The following ACER3 variants were observed in gnomAD, a reference collection of about 807,000 sequenced individuals.
ACER3 encodes the protein alkCDase 3.
A neutral mutation model predicts 48.9 loss-of-function variants in ACER3; 16 were observed. The ratio of observed to expected loss-of-function variants is 0.33; its 90% CI spans 0.22 to 0.50. ACER3 has a LOEUF of 0.50. Among genes scored for constraint, ACER3 ranks in the 20% least tolerant of loss-of-function variants. The probability of loss-of-function intolerance (pLI) is 0.98; values close to 1 mark genes in which losing one functional copy is unlikely to be tolerated. For missense variants in ACER3, 227 were observed against 326.0 expected (o/e 0.70, Z 2.34); for synonymous variants, 109 against 107.8 (o/e 1.01, Z -0.07).
chr11:77,007,418 CCT>C (rs1245697806), intron 7 of ACER3, among the ~76,000 whole-genome samples: 3 of 152,294 alleles, frequency 2.0e-5, no homozygotes, highest in East Asian at 3.9e-4. Flanking sequence ...TCCTCTTTGG[CCT>C]CTGTTGGCAA....
At position 76,983,462 on chromosome 11, in the gene ACER3, C is replaced by T. The variant is rs183934040; in HGVS notation, c.321-2181C>T. Reference sequence around the variant, plus strand: ...TCTCAAGTAGCTGCGACTACAAGTGCGCTCCACCATGCCCAGCTAATTTTT... The same window carrying T: ...TCTCAAGTAGCTGCGACTACAAGTGTGCTCCACCATGCCCAGCTAATTTTT... On this transcript the variant is annotated intron_variant, in intron 4 of 10. Transcript: ENST00000532485. 2.6e-3 allele frequency among the ~76,000 whole-genome samples: 395 copies of T among 152,026 alleles called. 7 individuals are homozygous for T. Among genetic ancestry groups the T allele is most frequent in the Admixed American group, 0.02 (309 of 15,264 alleles).
At chr11:76,908,172 G>A (rs891219889) in intron 1 of ACER3, among the ~76,000 whole-genome samples, 1 of 150,276 alleles carries the variant, frequency 6.7e-6, no homozygotes, top group Non-Finnish European at 1.5e-5. Flanking sequence ...GGAGGTGGAG[G>A]TTGCAGTGAG....
At chr11:76,989,901 A>T (rs1053588113) in intron 5 of ACER3, among the ~76,000 whole-genome samples, 7 of 152,232 alleles carry the variant, frequency 4.6e-5, no homozygotes, top group African/African-American at 1.7e-4. Flanking sequence ...TGACATTGGA[A>T]CCTACAACTA....
chr11:76,971,290 G>A (rs901717565), intron 3 of ACER3, among the ~76,000 whole-genome samples: 6 of 151,976 alleles, frequency 3.9e-5, no homozygotes, highest in African/African-American at 9.7e-5. Context: ...GCCTGTAATC[G>A]CAGCACTTTG....
intron 7 of ACER3, among the ~76,000 whole-genome samples, chr11:77,004,122 C>A (rs1949086930): frequency 6.6e-6 from 1 of 152,186 alleles, no homozygotes; most frequent in African/African-American, 2.4e-5. Context: ...ACCCTCAGGT[C>A]TGATGATTCA....
At chr11:77,005,365 C>T (rs1949113689) in intron 7 of ACER3, among the ~76,000 whole-genome samples, 1 of 152,028 alleles carries the variant, frequency 6.6e-6, no homozygotes, top group Non-Finnish European at 1.5e-5. Context: ...TATATGCATA[C>T]CCTATCAGAG....
intron 2 of ACER3, among the ~76,000 whole-genome samples, chr11:76,927,671 C>T (rs1200169892): frequency 1.3e-5 from 2 of 151,952 alleles, no homozygotes; most frequent in South Asian, 2.1e-4. Flanking sequence ...CAAGTGTTCT[C>T]ATTGTTCAAT....
chr11:76,864,800 A>G (rs1350009860), intron 1 of ACER3, among the ~76,000 whole-genome samples: 2 of 149,462 alleles, frequency 1.3e-5, no homozygotes, highest in African/African-American at 2.4e-5. Context: ...GGGTTTCACC[A>G]TTTTGGCCAG....
chr11:76,959,457 G>C (rs11237034), intron 3 of ACER3, among the ~76,000 whole-genome samples: 1 of 152,226 alleles, frequency 6.6e-6, no homozygotes, highest in East Asian at 1.9e-4. Context: ...CCTGTGGGCC[G>C]CATGTGACCC....
chr11:76,890,856 A>G (rs1429409372), intron 1 of ACER3, among the ~76,000 whole-genome samples: 4 of 152,060 alleles, frequency 2.6e-5, no homozygotes, highest in Non-Finnish European at 4.4e-5. Flanking sequence ...GCGGTGGCTC[A>G]CTCCTGTAAT....
intron 7 of ACER3, among the ~76,000 whole-genome samples, chr11:77,006,658 A>G (rs1403948778): frequency 2.0e-5 from 3 of 150,482 alleles, no homozygotes; most frequent in Admixed American, 6.6e-5. Flanking sequence ...ATGTCATGCC[A>G]CTTCCTCTGC....
At chr11:76,929,243 T>C (rs1390027034) in intron 2 of ACER3, among the ~76,000 whole-genome samples, 16 of 152,236 alleles carry the variant, frequency 1.1e-4, no homozygotes, top group African/African-American at 2.4e-4. Context: ...GGAGTTCACT[T>C]ATGATTTGGC....
At position 76,966,636 on chromosome 11, in the gene ACER3, A is replaced by G. The variant is rs1196200472; in HGVS notation, c.267+7605A>G. 2.7e-5 allele frequency among the ~76,000 whole-genome samples: 4 copies of G among 150,902 alleles called. 1 individual carries two copies. Among genetic ancestry groups the G allele is most frequent in the African/African-American group, 9.9e-5 (4 of 40,384 alleles). On this transcript the variant is annotated intron_variant, in intron 3 of 10. Coordinates refer to ENST00000532485, the MANE Select transcript of ACER3 (RefSeq NM_018367.7). ...CAGACCACAGTGCAATCAAACTAGA[A>G]CTCAGGATTAAGAAACTCACTCAAA...
chr11:76,960,519 C>T (rs1443120067), intron 3 of ACER3, among the ~76,000 whole-genome samples: 1 of 152,202 alleles, frequency 6.6e-6, no homozygotes, highest in East Asian at 1.9e-4. Flanking sequence ...ATTTCATATT[C>T]TTAAATCTGG....
At chr11:76,909,662 A>T (rs950320025) in intron 1 of ACER3, among the ~76,000 whole-genome samples, 2 of 152,342 alleles carry the variant, frequency 1.3e-5, no homozygotes, top group Middle Eastern at 6.8e-3. Context: ...ACGCTTTTAC[A>T]CTGTTGGTGG....
intron 9 of ACER3, among the ~76,000 whole-genome samples, chr11:77,019,255 T>C (rs781794687): frequency 1.3e-5 from 2 of 152,196 alleles, no homozygotes; most frequent in Non-Finnish European, 1.5e-5. Flanking sequence ...GGTCTGGGGT[T>C]CGAGACCAGC....
At chr11:76,903,696 A>G (rs557448638) in intron 1 of ACER3, among the ~76,000 whole-genome samples, 4 of 152,222 alleles carry the variant, frequency 2.6e-5, no homozygotes, top group South Asian at 2.1e-4. Flanking sequence ...CTGTTATAGC[A>G]TCACATGGTA....
chr11:76,922,230 G>A (rs1483721555), intron 1 of ACER3, among the ~76,000 whole-genome samples: 2 of 152,084 alleles, frequency 1.3e-5, no homozygotes, highest in East Asian at 1.9e-4. Context: ...GTCCTTAAAT[G>A]AGTTTCATAT....
chr11:76,982,218 CTTTT>C (rs142556459), intron 4 of ACER3, among the ~76,000 whole-genome samples: 2 of 135,198 alleles, frequency 1.5e-5, no homozygotes, highest in African/African-American at 2.7e-5. Context: ...AACCTTTTTC[CTTTT>C]TTTTTTTTTT....
Sources: allele counts gnomAD v4.1 joint callset (sites outside exome capture counted in the v4.1 genomes callset), GRCh38; gene constraint gnomAD v4.1.1; transcripts MANE v1.5; gene names NCBI Gene and HGNC (gene_info 2026-07-23, HGNC 2026-07-21).